The following SGPP1 variants were observed in gnomAD, a reference collection of about 807,000 sequenced individuals.
SGPP1 encodes sphingosine-1-phosphate phosphatase 1.
A neutral mutation model predicts 33.0 loss-of-function variants in SGPP1; 21 were observed. The observed-to-expected ratio is 0.64, with a 90% confidence interval of 0.45 to 0.92. The LOEUF is 0.92. SGPP1 is among the 40% of genes least tolerant of loss of function. The pLI is 0.00. For synonymous variants in SGPP1, 239 were observed against 241.2 expected, an observed-to-expected ratio of 0.99 and a Z score of 0.08; for missense variants, 543 against 589.4, an observed-to-expected ratio of 0.92 and a Z score of 0.81.
chr14:63,697,220 T>C (rs1885204732), intron 2 of SGPP1, among the ~76,000 whole-genome samples: 1 of 152,070 alleles, frequency 6.6e-6, no homozygotes, highest in Non-Finnish European at 1.5e-5. Flanking sequence ...AACCCCAAAA[T>C]TACAGCACAC....
At chr14:63,702,064 C>A (rs1232936392) in intron 1 of SGPP1, among the ~76,000 whole-genome samples, 10 of 151,456 alleles carry the variant, frequency 6.6e-5, no homozygotes, top group Admixed American at 6.6e-4. Flanking sequence ...TTATACACAA[C>A]AAACTGAAGA....
chr14:63,719,270 G>T (rs1885719277), intron 1 of SGPP1, among the ~76,000 whole-genome samples: 1 of 150,532 alleles, frequency 6.6e-6, no homozygotes, highest in Admixed American at 6.7e-5. Context: ...CTCCCAAAGT[G>T]CTATGATTAC....
At chr14:63,702,045 A>T (rs971554546) in intron 1 of SGPP1, among the ~76,000 whole-genome samples, 1 of 152,138 alleles carries the variant, frequency 6.6e-6, no homozygotes, top group Non-Finnish European at 1.5e-5. Context: ...AATTACTGAT[A>T]AGAGTTCTTT....
intron 1 of SGPP1, among the ~76,000 whole-genome samples, chr14:63,705,041 C>G (rs934730211): frequency 6.6e-6 from 1 of 151,484 alleles, no homozygotes; most frequent in Non-Finnish European, 1.5e-5. Flanking sequence ...GTGGGAGACT[C>G]GCTTGAACCC....
At chr14:63,694,780 A>G (rs1052505456) in intron 2 of SGPP1, among the ~76,000 whole-genome samples, 1 of 152,218 alleles carries the variant, frequency 6.6e-6, no homozygotes, top group Non-Finnish European at 1.5e-5. Context: ...CAAATTTTCT[A>G]AAAGGAAATT....
rs765580677 is a variant in SGPP1 at position 63,727,311 on chromosome 14, C to G, written c.634G>C (p.Gly212Arg). Residue 212 changes from glycine (G) to arginine (R), a missense_variant, in exon 1 of 3, where the codon GGC becomes CGC. Gly to Arg is a moderately radical substitution (Grantham distance 125, BLOSUM62 -2). Coordinates refer to ENST00000247225, the MANE Select transcript of SGPP1 (RefSeq NM_030791.4). ...ACCATAGAAATGGGGATGGCGGTGC[C>G]GGACATGGCATGGGTGGAGGGCATG... ...YSMPSTHAMS[G>R]TAIPISMVLL... The G allele has an allele frequency of 1.2e-6, 2 of 1,613,934 alleles. No homozygotes were observed. Among genetic ancestry groups the G allele is most frequent in the Non-Finnish European group, 1.7e-6 (2 of 1,179,906 alleles).
At chr14:63,697,227 A>C (rs1260059286) in intron 2 of SGPP1, among the ~76,000 whole-genome samples, 1 of 152,162 alleles carries the variant, frequency 6.6e-6, no homozygotes, top group Non-Finnish European at 1.5e-5. Flanking sequence ...AAATTACAGC[A>C]CACACTGCCT....
chr14:63,699,766 T>C (rs111422957), intron 1 of SGPP1, among the ~76,000 whole-genome samples: 1 of 150,354 alleles, frequency 6.7e-6, no homozygotes, highest in Non-Finnish European at 1.5e-5. Flanking sequence ...TTTACATATC[T>C]ACTACATTTA....
At chr14:63,701,030 G>C (rs1376051325) in intron 1 of SGPP1, among the ~76,000 whole-genome samples, 2 of 152,056 alleles carry the variant, frequency 1.3e-5, no homozygotes, top group Non-Finnish European at 2.9e-5. Flanking sequence ...GCCCAGGCTG[G>C]AGTGCAGTGG....
intron 1 of SGPP1, among the ~76,000 whole-genome samples, chr14:63,720,366 A>G (rs199608683): frequency 3.3e-5 from 5 of 152,122 alleles, no homozygotes; most frequent in East Asian, 3.8e-4. Context: ...AGGAAGGAAG[A>G]AAGAGACGGA....
chr14:63,709,957 T>C (rs1340178920), intron 1 of SGPP1, among the ~76,000 whole-genome samples: 2 of 152,188 alleles, frequency 1.3e-5, no homozygotes, highest in Admixed American at 1.3e-4. Context: ...TTACATTCAT[T>C]GAAGGTAGTA....
chr14:63,697,039 G>C (rs1220871638), intron 2 of SGPP1, among the ~76,000 whole-genome samples: 1 of 152,078 alleles, frequency 6.6e-6, no homozygotes, highest in Non-Finnish European at 1.5e-5. Flanking sequence ...GGGAGAGCGG[G>C]GGGAGGAAAG....
Position 63,685,976 on chromosome 14 carries a change from A to C in SGPP1, c.*129T>G. The C allele has an allele frequency of 1.7e-6, 1 of 579,210 alleles. No individual in the cohort carries two copies. Among genetic ancestry groups the C allele is most frequent in the Non-Finnish European group, 3.0e-6 (1 of 337,004 alleles). The allele number at this position is 579,210 out of a possible 1,614,324, so 35.9% of individuals were successfully genotyped here. A position where few individuals can be genotyped will look rare whatever the true frequency, so the allele number is the denominator to read the frequency against. ...ATGATAAAATGCACTGACTCTTATG[A>C]ATTTACTTAAATAATTATTTAAGTT... On this transcript the variant is annotated 3_prime_UTR_variant, in exon 3 of 3. Transcript: ENST00000247225.
chr14:63,710,302 T>C (rs1885497184), intron 1 of SGPP1, among the ~76,000 whole-genome samples: 1 of 152,232 alleles, frequency 6.6e-6, no homozygotes, highest in South Asian at 2.1e-4. Context: ...TGGGTAAGGA[T>C]TCATATTTTT....
chr14:63,695,060 TA>T, intron 2 of SGPP1, among the ~76,000 whole-genome samples: 1 of 152,082 alleles, frequency 6.6e-6, no homozygotes, highest in Admixed American at 6.6e-5. Flanking sequence ...TATTTTATTT[TA>T]TTTTATTTTT....
chr14:63,715,601 G>A (rs2139650156), intron 1 of SGPP1, among the ~76,000 whole-genome samples: 2 of 152,236 alleles, frequency 1.3e-5, no homozygotes, highest in Middle Eastern at 3.4e-3. Context: ...CCAGGCTGTA[G>A]CACAGGAGGA....
chr14:63,716,796 C>A (rs934485858), intron 1 of SGPP1, among the ~76,000 whole-genome samples: 1 of 151,894 alleles, frequency 6.6e-6, no homozygotes, highest in African/African-American at 2.4e-5. Context: ...TGGGTTCAAG[C>A]AATTCTCCTG....
chr14:63,689,435 A>T (rs1333179042), intron 2 of SGPP1, among the ~76,000 whole-genome samples: 3 of 152,158 alleles, frequency 2.0e-5, no homozygotes, highest in African/African-American at 7.2e-5. Flanking sequence ...TACAGGTATC[A>T]GCCACCGGGC....
chr14:63,722,060 G>C (rs1353925489), intron 1 of SGPP1, among the ~76,000 whole-genome samples: 1 of 152,130 alleles, frequency 6.6e-6, no homozygotes, highest in African/African-American at 2.4e-5. Context: ...CTGAGCCCCT[G>C]ACACTTACTG....
Sources: gnomAD v4.1 joint callset for allele counts (sites outside exome capture counted in the v4.1 genomes callset) on GRCh38, gnomAD v4.1.1 for gene constraint, MANE v1.5 for transcripts, NCBI Gene and HGNC (gene_info 2026-07-23, HGNC 2026-07-21) for gene names.